The following ATF7IP variants were observed in gnomAD, a reference collection of about 807,000 sequenced individuals.
ATF7IP encodes activating transcription factor 7 interacting protein, also known as activating transcription factor 7-interacting protein 1.
A neutral mutation model predicts 106.4 loss-of-function variants in ATF7IP; 23 were observed. That is an observed-to-expected ratio of 0.22 (90% CI 0.16 to 0.31). The LOEUF is 0.31. Among genes scored for constraint, ATF7IP ranks in the 10% least tolerant of loss-of-function variants. The pLI, the probability that ATF7IP is intolerant of heterozygous loss-of-function variation, is 1.00. For missense variants in ATF7IP, 1,334 were observed against 1,524.3 expected, an observed-to-expected ratio of 0.88 and a Z score of 2.08; for synonymous variants, 542 against 539.0, an observed-to-expected ratio of 1.01 and a Z score of -0.08.
intron 1 of ATF7IP, among the ~76,000 whole-genome samples, chr12:14,416,085 T>C (rs1941192589): frequency 6.6e-6 from 1 of 152,176 alleles, no homozygotes; most frequent in Admixed American, 6.5e-5. Flanking sequence ...TAAAGCAGAT[T>C]ATTAGCATCT....
chr12:14,463,373 C>T (rs1197357942), intron 9 of ATF7IP, among the ~76,000 whole-genome samples: 1 of 152,032 alleles, frequency 6.6e-6, no homozygotes, highest in Non-Finnish European at 1.5e-5. Context: ...AAAGCTCAAA[C>T]TATAGCTAAT....
chr12:14,457,367 C>T, intron 8 of ATF7IP, 72 bp downstream of exon 8: 2 of 1,138,024 alleles, frequency 1.8e-6, no homozygotes, highest in African/African-American at 1.6e-5. Flanking sequence ...TTCTTACATT[C>T]TTTTGAGGTT....
chr12:14,460,371 T>A, intron 8 of ATF7IP, 124 bp from the exon 9 acceptor site: 1 of 957,426 alleles, frequency 1.0e-6, no homozygotes, highest in Non-Finnish European at 1.5e-6. Flanking sequence ...AAAAATTTCA[T>A]GATAAAAGAC....
At chr12:14,377,056 A>C (rs1048782695) in intron 1 of ATF7IP, among the ~76,000 whole-genome samples, 2 of 152,034 alleles carry the variant, frequency 1.3e-5, no homozygotes, top group African/African-American at 4.8e-5. Flanking sequence ...ATGCAGTGGC[A>C]TGATCTTGGC....
intron 13 of ATF7IP, among the ~76,000 whole-genome samples, chr12:14,488,008 C>T (rs142683174): frequency 6.6e-6 from 1 of 152,016 alleles, no homozygotes; most frequent in Non-Finnish European, 1.5e-5. Context: ...TATCAGTGTT[C>T]TTTATACTAC....
intron 1 of ATF7IP, among the ~76,000 whole-genome samples, chr12:14,378,100 CTTTTTTTT>C (rs59879512): frequency 7.3e-6 from 1 of 137,884 alleles, no homozygotes; most frequent in Non-Finnish European, 1.5e-5. Flanking sequence ...TTTTCTTTTT[CTTTTTTTT>C]TTTTTTTGAA....
At chr12:14,489,618 C>G (rs911939458) in intron 13 of ATF7IP, among the ~76,000 whole-genome samples, 1 of 152,104 alleles carries the variant, frequency 6.6e-6, no homozygotes, top group Non-Finnish European at 1.5e-5. Context: ...CATACATGGC[C>G]TTCTGGAGAA....
chr12:14,434,370 C>T lies in ATF7IP; in HGVS notation c.1592C>T (p.Pro531Leu). The T allele has an allele frequency of 1.3e-6, 2 of 1,591,964 alleles. No homozygotes were observed. The highest frequency in any genetic ancestry group is 1.7e-6 in the Non-Finnish European group (2 of 1,163,106). Residue 531 changes from proline (P) to leucine (L), a missense_variant, in exon 3 of 15, where the codon CCT becomes CTT. Pro to Leu is a moderately conservative substitution (Grantham distance 98). Transcript: ENST00000261168. ...GAAAGTAATGAAAAGGACAACAAAC[C>T]TGAGGAAGAAGAGCAAGTAATACAT... ...EVESNEKDNKPEEEEQVIHED... is the reference protein window; with the variant it reads ...EVESNEKDNKLEEEEQVIHED...
chr12:14,423,686 A>G, intron 1 of ATF7IP: 5 of 362,586 alleles, frequency 1.4e-5, no homozygotes, highest in Non-Finnish European at 1.9e-5. Context: ...TCCCCCTAAT[A>G]CTTTCTAGTT....
rs570823680 is a variant in ATF7IP at position 14,374,143 on chromosome 12, G to GC, written c.-8+8317dup. Reference sequence around the variant, plus strand: ...ACTAGGGTCTCACTCTGTCACTCCAGCTGGAGTGCAGTGGTGTGATCATGG... The same window carrying GC: ...ACTAGGGTCTCACTCTGTCACTCCAGCCTGGAGTGCAGTGGTGTGATCATGG... On this transcript the variant is annotated intron_variant, in intron 1 of 14. Transcript: ENST00000261168. Among the ~76,000 whole-genome samples the GC allele has an allele frequency of 2.1e-3, 321 of 150,414 alleles. 6 individuals carry two copies. The highest frequency in any genetic ancestry group is 7.4e-3 in the African/African-American group (300 of 40,816).
intron 1 of ATF7IP, chr12:14,408,455 T>A (rs1218011720): frequency 6.6e-6 from 1 of 152,176 alleles, no homozygotes; most frequent in East Asian, 1.9e-4. Flanking sequence ...GCTGCTTTTA[T>A]TAGCCAACCA....
At chr12:14,374,516 G>C (rs944581102) in intron 1 of ATF7IP, among the ~76,000 whole-genome samples, 3 of 152,084 alleles carry the variant, frequency 2.0e-5, no homozygotes, top group African/African-American at 7.2e-5. Context: ...TAAGTAAGTA[G>C]TTAAAAGTAG....
chr12:14,390,361 A>G (rs765141891), intron 1 of ATF7IP, among the ~76,000 whole-genome samples: 1 of 152,194 alleles, frequency 6.6e-6, no homozygotes, highest in Non-Finnish European at 1.5e-5. Context: ...AGCCAAATGA[A>G]GGAGATCCAA....
At chr12:14,460,233 G>T (rs1007713296) in intron 8 of ATF7IP, among the ~76,000 whole-genome samples, 1 of 152,096 alleles carries the variant, frequency 6.6e-6, no homozygotes, top group Non-Finnish European at 1.5e-5. Flanking sequence ...TTCAGAGACC[G>T]TTTTGATCCT....
intron 1 of ATF7IP, among the ~76,000 whole-genome samples, chr12:14,422,931 GTCATATGACAACTCTGTACT>G (rs1195681763): frequency 6.6e-6 from 1 of 152,134 alleles, no homozygotes; most frequent in Non-Finnish European, 1.5e-5. Flanking sequence ...GAATCACTGG[GTCATATGACAACTCTGTACT>G]TCACATATTG....
intron 1 of ATF7IP, among the ~76,000 whole-genome samples, chr12:14,415,738 T>C (rs1220345643): frequency 6.6e-6 from 1 of 152,028 alleles, no homozygotes; most frequent in Non-Finnish European, 1.5e-5. Context: ...ACAGTTATTT[T>C]ATACCAGTTA....
At chr12:14,399,920 C>G (rs993875845) in intron 1 of ATF7IP, among the ~76,000 whole-genome samples, 1 of 152,150 alleles carries the variant, frequency 6.6e-6, no homozygotes, top group Non-Finnish European at 1.5e-5. Flanking sequence ...GGAAGTGGTA[C>G]TTGCTACACA....
At chr12:14,462,274 T>A (rs1282834334) in intron 9 of ATF7IP, among the ~76,000 whole-genome samples, 1 of 152,138 alleles carries the variant, frequency 6.6e-6, no homozygotes, top group Non-Finnish European at 1.5e-5. Context: ...TTTTTGGATA[T>A]TCTTTCATGT....
chr12:14,438,344 A>G (rs1942514969), intron 5 of ATF7IP, 77 bp downstream of exon 5: 1 of 1,270,452 alleles, frequency 7.9e-7, no homozygotes, highest in Non-Finnish European at 1.1e-6. Flanking sequence ...TATATTTGAG[A>G]TTAACTATAA....
Sources: allele counts gnomAD v4.1 joint callset (sites outside exome capture counted in the v4.1 genomes callset), GRCh38; gene constraint gnomAD v4.1.1; transcripts MANE v1.5; gene names NCBI Gene and HGNC (gene_info 2026-07-23, HGNC 2026-07-21).